Variants in RNF17 observed in about 807,000 individuals in gnomAD.
RNF17 encodes the protein ring finger protein 17.
RNF17 carries 31 observed loss-of-function variants against 200.5 expected under a neutral mutation model. That is an observed-to-expected ratio of 0.15 (90% CI 0.12 to 0.21). The LOEUF is 0.21. Ranked by LOEUF, RNF17 falls within the 10% of genes least tolerant of loss-of-function variation. RNF17 has a pLI of 1.00. For missense variants in RNF17, 1,628 were observed against 1,905.1 expected (o/e 0.85, Z 2.71); for synonymous variants, 606 against 637.8 (o/e 0.95, Z 0.75).
intron 1 of RNF17, 49 bp from the exon 2 acceptor site, chr13:24,767,223 C>CAGT (rs1448632280): frequency 5.6e-6 from 7 of 1,249,842 alleles, no homozygotes; most frequent in Admixed American, 3.5e-5. Context: ...GACCCTGTCT[C>CAGT]AATAATCATC....
At chr13:24,764,118 C>A, upstream of RNF17, 1 of 1,313,672 alleles carries the variant, frequency 7.6e-7, no homozygotes, top group Non-Finnish European at 1.1e-6. Flanking sequence ...TGGCTATCTG[C>A]AGGGGCTGGC....
chr13:24,785,749 G>A (rs918885973), intron 6 of RNF17, among the ~76,000 whole-genome samples: 2 of 152,090 alleles, frequency 1.3e-5, no homozygotes, highest in African/African-American at 2.4e-5. Context: ...TTCTGCAAAT[G>A]TTTGCTTTAT....
rs772251030 is a variant in RNF17 at position 24,830,602 on chromosome 13, AATTT to A, written c.2361+11_2361+14del. On this transcript the variant is annotated splice_donor_5th_base_variant and intron_variant, in intron 17 of 35. Coordinates refer to ENST00000255324, the MANE Select transcript of RNF17 (RefSeq NM_031277.3). ...AGTTTCTGAATGCCCCAGAGAAGGT[AATTT>A]ATTTATTATGAATTCTAGGGCTAGA... The A allele has an allele frequency of 1.6e-5, 25 of 1,560,410 alleles. No homozygotes were observed. The South Asian group carries it at 1.9e-4, about 12-fold the overall frequency.
intron 16 of RNF17, among the ~76,000 whole-genome samples, chr13:24,827,256 C>A (rs9511465): frequency 6.6e-6 from 1 of 151,734 alleles, no homozygotes; most frequent in Non-Finnish European, 1.5e-5. Context: ...TAGTTTGATA[C>A]TGTTTAAAAT....
At chr13:24,758,926 A>G in the RNF17 span, among the ~76,000 whole-genome samples, 6 of 152,004 alleles carry the variant, frequency 3.9e-5, no homozygotes, top group Non-Finnish European at 7.4e-5. Context: ...AATACAAAAA[A>G]TTAGCCGGGC....
At chr13:24,823,015 G>A (rs899939088) in intron 15 of RNF17, among the ~76,000 whole-genome samples, 1 of 152,146 alleles carries the variant, frequency 6.6e-6, no homozygotes, top group Non-Finnish European at 1.5e-5. Context: ...TTTCTTGTAA[G>A]GCAGGTATAG....
intron 22 of RNF17, among the ~76,000 whole-genome samples, chr13:24,848,394 G>A (rs1043559774): frequency 4.1e-4 from 62 of 152,260 alleles, no homozygotes; most frequent in African/African-American, 1.4e-3. Flanking sequence ...GGACGCGGTG[G>A]CCCACGCCTG....
chr13:24,780,424 A>T (rs1304742352), intron 5 of RNF17, among the ~76,000 whole-genome samples: 1 of 152,220 alleles, frequency 6.6e-6, no homozygotes, highest in African/African-American at 2.4e-5. Context: ...ACTGGAGGTT[A>T]GGACTTCAGT....
At chr13:24,852,949 T>A (rs1463492170) in intron 24 of RNF17, among the ~76,000 whole-genome samples, 3 of 152,220 alleles carry the variant, frequency 2.0e-5, no homozygotes, top group Non-Finnish European at 4.4e-5. Flanking sequence ...AGTCTCATTC[T>A]GTTGCCCAGG....
intron 14 of RNF17, among the ~76,000 whole-genome samples, chr13:24,803,224 A>G (rs190101360): frequency 6.6e-5 from 10 of 152,312 alleles, no homozygotes; most frequent in African/African-American, 2.2e-4. Context: ...AGCCTTTGGA[A>G]TGAGTTCATG....
At chr13:24,866,107 G>A in intron 29 of RNF17, 37 bp from the exon 30 acceptor site, 1 of 1,145,576 alleles carries the variant, frequency 8.7e-7, no homozygotes, top group South Asian at 1.3e-5. Flanking sequence ...AAACAATATA[G>A]CTAAAGGTGA....
intron 5 of RNF17, 83 bp downstream of exon 5, chr13:24,779,830 A>G: frequency 9.4e-7 from 1 of 1,069,502 alleles, no homozygotes; most frequent in Non-Finnish European, 1.4e-6. Flanking sequence ...GTTACCACTG[A>G]GGTTAGAGCT....
At chr13:24,847,780 GTGA>G (rs973311223) in intron 22 of RNF17, among the ~76,000 whole-genome samples, 2 of 152,124 alleles carry the variant, frequency 1.3e-5, no homozygotes, top group African/African-American at 2.4e-5. Context: ...CCTATTGTCT[GTGA>G]TCACTGATGG....
intron 3 of RNF17, among the ~76,000 whole-genome samples, chr13:24,777,894 T>A (rs1018738509): frequency 6.6e-6 from 1 of 152,252 alleles, no homozygotes; most frequent in African/African-American, 2.4e-5. Flanking sequence ...TTATATGAAT[T>A]ATTTTTTATG....
At chr13:24,811,528 T>C (rs1284951601) in intron 15 of RNF17, among the ~76,000 whole-genome samples, 1 of 151,888 alleles carries the variant, frequency 6.6e-6, no homozygotes, top group African/African-American at 2.4e-5. Flanking sequence ...TTGGTTATTC[T>C]AGTTATACAT....
chr13:24,874,203 G>C lies in RNF17; in HGVS notation c.4537G>C (p.Val1513Leu), dbSNP rs1894611635. The C allele has an allele frequency of 6.2e-7, 1 of 1,609,056 alleles. No individual in the cohort carries two copies. Among genetic ancestry groups the C allele is most frequent in the Admixed American group, 1.7e-5 (1 of 59,160 alleles). ...IKEFNPLSIL[V>L]QFVDYGSTAK... The stretch of plus-strand genomic sequence containing the variant: ...AGAATTTAATCCTTTATCTATCTTA[G>C]TACAATTTGTTGATTATGGATCAAC... Residue 1513 changes from valine to leucine, a missense_variant, in exon 33 of 36, where the codon GTA becomes CTA. Physicochemically the swap from Val to Leu is conservative, Grantham distance 32. This residue lies in a region of RNF17 where 609 missense variants were observed against 681.9 expected (regional missense o/e 0.89). Transcript: ENST00000255324.
chr13:24,752,468 T>G, the RNF17 span, among the ~76,000 whole-genome samples: 1 of 152,188 alleles, frequency 6.6e-6, no homozygotes, highest in Non-Finnish European at 1.5e-5. Flanking sequence ...TCCAAGAAAA[T>G]GAGCCTGGTG....
chr13:24,811,940 C>T (rs7336521), intron 15 of RNF17, among the ~76,000 whole-genome samples: 29,778 of 151,878 alleles, frequency 0.2, 3,194 homozygotes, highest in South Asian at 0.32. Context: ...GGGTGCCTCC[C>T]AGTTAGGCTG....
chr13:24,851,140 A>G (rs1330642699), intron 23 of RNF17, among the ~76,000 whole-genome samples: 1 of 152,106 alleles, frequency 6.6e-6, no homozygotes. Flanking sequence ...GACTACAGGC[A>G]TGCGCCACCA....
Sources: allele counts gnomAD v4.1 joint callset (sites outside exome capture counted in the v4.1 genomes callset), GRCh38; gene constraint gnomAD v4.1.1; regional missense constraint gnomAD v4.1.1; transcripts MANE v1.5; gene names NCBI Gene and HGNC (gene_info 2026-07-23, HGNC 2026-07-21).